NPL: variants seen among roughly 807,000 people sequenced by gnomAD.
NPL encodes N-acetylneuraminate pyruvate lyase.
NPL carries 32 observed loss-of-function variants against 41.1 expected under a neutral mutation model. The ratio of observed to expected loss-of-function variants is 0.78; its 90% CI spans 0.59 to 1.05. The LOEUF (loss-of-function observed/expected upper bound fraction) is 1.05, where lower values mean the gene tolerates loss of function less well. Among genes scored for constraint, NPL ranks in the 50% least tolerant of loss-of-function variants. NPL has a pLI of 0.00. For synonymous variants in NPL, 128 were observed against 134.9 expected (o/e 0.95, Z 0.35); for missense variants, 321 against 378.4 (o/e 0.85, Z 1.26).
intron 3 of NPL, among the ~76,000 whole-genome samples, chr1:182,799,075 G>C (rs899688756): frequency 6.6e-6 from 1 of 152,142 alleles, no homozygotes; most frequent in African/African-American, 2.4e-5. Flanking sequence ...ATGGTGGTTC[G>C]TGCACCAGGA....
intron 5 of NPL, chr1:182,809,216 A>G: frequency 2.2e-6 from 1 of 453,156 alleles, no homozygotes; most frequent in South Asian, 1.6e-5. Flanking sequence ...GACCATCCGC[A>G]CAACCCAAAG....
chr1:182,794,947 C>T (rs1307414934), intron 3 of NPL, among the ~76,000 whole-genome samples: 1 of 152,092 alleles, frequency 6.6e-6, no homozygotes, highest in East Asian at 1.9e-4. Context: ...ACTCTTTTTT[C>T]CTGTTTACAG....
Position 182,818,698 on chromosome 1 carries a change from C to T in NPL, c.606+9C>T. 1.2e-6 allele frequency: 2 copies of T among 1,614,076 alleles called. No homozygotes were observed. Among genetic ancestry groups the T allele is most frequent in the Non-Finnish European group, 1.7e-6 (2 of 1,180,000 alleles). ...TTTTTGGGGTGGATGAGGTAAGTCA[C>T]CCCCTAGCATGTTGCAGCAGGTCAG... On this transcript the variant is annotated intron_variant, in intron 9 of 12. Transcript: ENST00000367553.
chr1:182,800,295 G>T (rs1017964246), intron 3 of NPL, among the ~76,000 whole-genome samples: 7 of 151,930 alleles, frequency 4.6e-5, no homozygotes, highest in African/African-American at 1.7e-4. Context: ...AATTAGCTGG[G>T]CGTTGTGGCA....
At chr1:182,800,725 CT>C (rs56908108) in intron 3 of NPL, among the ~76,000 whole-genome samples, 8,565 of 101,674 alleles carry the variant, frequency 0.084, 182 homozygotes, top group African/African-American at 0.21. Flanking sequence ...GTAGCCCTGG[CT>C]TTTTTTTTTT....
At chr1:182,789,838 C>T (rs1392729326) in intron 1 of NPL, 33 bp downstream of exon 1, 1 of 152,356 alleles carries the variant, frequency 6.6e-6, no homozygotes, top group African/African-American at 2.4e-5. Context: ...CGGGCTAGGA[C>T]AGACGGACGC....
At chr1:182,805,747 A>G (rs1295040181) in intron 4 of NPL, among the ~76,000 whole-genome samples, 1 of 152,194 alleles carries the variant, frequency 6.6e-6, no homozygotes, top group Non-Finnish European at 1.5e-5. Context: ...GATCTGTAGT[A>G]TACAAAAGCA....
intron 8 of NPL, among the ~76,000 whole-genome samples, chr1:182,817,786 G>A (rs1373690704): frequency 6.6e-6 from 1 of 152,246 alleles, no homozygotes; most frequent in Non-Finnish European, 1.5e-5. Context: ...GATGCATAGG[G>A]TAAGATATGT....
intron 12 of NPL, chr1:182,826,605 T>G (rs1339965019): frequency 6.6e-6 from 1 of 152,234 alleles, no homozygotes; most frequent in Non-Finnish European, 1.5e-5. Flanking sequence ...ACGTTTCTGT[T>G]TGTTTTTCCA....
intron 5 of NPL, among the ~76,000 whole-genome samples, chr1:182,810,375 C>G (rs998740675): frequency 6.6e-6 from 1 of 152,160 alleles, no homozygotes; most frequent in African/African-American, 2.4e-5. Flanking sequence ...ATAGTGAATT[C>G]ACTTCTCACA....
chr1:182,809,354 C>T (rs919109820), intron 5 of NPL: 24 of 296,980 alleles, frequency 8.1e-5, no homozygotes, highest in African/African-American at 5.4e-4. Flanking sequence ...ACCTGGCCAA[C>T]CTGACAAAAC....
Position 182,814,911 on chromosome 1 carries a change from C to T in NPL, c.364+53C>T, listed in dbSNP as rs1667280939. The T allele has an allele frequency of 3.6e-6, 5 of 1,394,814 alleles. No individual in the cohort carries two copies. The African/African-American group carries it at 5.7e-5, about 16-fold the overall frequency. 86.4% of individuals were successfully genotyped at this position (1,394,814 alleles called of 1,614,324 possible). ...ATCTCACATGGTCCACTTCTTCTTG[C>T]CTCCATTCAAAATGGTTATATTTAA... On this transcript the variant is annotated intron_variant, in intron 7 of 12. Coordinates refer to ENST00000367553, the MANE Select transcript of NPL (RefSeq NM_030769.3).
intron 4 of NPL, among the ~76,000 whole-genome samples, chr1:182,805,788 T>A (rs1165355242): frequency 6.6e-6 from 1 of 152,214 alleles, no homozygotes; most frequent in Non-Finnish European, 1.5e-5. Flanking sequence ...TTATTTGACA[T>A]CCTGGTACTA....
chr1:182,829,176 GA>G lies in NPL; in HGVS notation c.*272del. ...TATATGGATGAAATGGAATCAAGAG[GA>G]AAATTGTAATTGATTAATTCCATCT... On this transcript the variant is annotated 3_prime_UTR_variant, in exon 13 of 13. Coordinates refer to ENST00000367553, the MANE Select transcript of NPL (RefSeq NM_030769.3). The G allele has an allele frequency of 7.6e-7, 1 of 1,311,698 alleles. No individual in the cohort carries two copies. 81.3% of individuals were successfully genotyped at this position (1,311,698 alleles called of 1,614,324 possible).
intron 3 of NPL, among the ~76,000 whole-genome samples, chr1:182,796,833 G>A (rs183483355): frequency 2.0e-5 from 3 of 152,118 alleles, no homozygotes; most frequent in Non-Finnish European, 4.4e-5. Flanking sequence ...TCAAGAGATC[G>A]AGACCATCCT....
chr1:182,825,910 C>A, intron 12 of NPL, 90 bp downstream of exon 12: 1 of 979,346 alleles, frequency 1.0e-6, no homozygotes, highest in Non-Finnish European at 1.6e-6. Context: ...TCAACAAGAA[C>A]ACTTTTTAAT....
At chr1:182,812,079 A>G (rs1571443754) in intron 5 of NPL, 77 bp from the exon 6 acceptor site, 13 of 1,420,464 alleles carry the variant, frequency 9.2e-6, no homozygotes, top group Non-Finnish European at 1.2e-5. Flanking sequence ...TGCTAAAATC[A>G]GCACAAACCA....
At chr1:182,805,556 T>C (rs925411234) in intron 4 of NPL, among the ~76,000 whole-genome samples, 1 of 152,256 alleles carries the variant, frequency 6.6e-6, no homozygotes, top group African/African-American at 2.4e-5. Flanking sequence ...TATCTTTTTA[T>C]CTGTAAATGA....
At chr1:182,797,316 A>G (rs1200671605) in intron 3 of NPL, among the ~76,000 whole-genome samples, 3 of 152,140 alleles carry the variant, frequency 2.0e-5, no homozygotes, top group Non-Finnish European at 4.4e-5. Context: ...CATATGGCCC[A>G]TGGACCAGTT....
Sources: allele counts gnomAD v4.1 joint callset (sites outside exome capture counted in the v4.1 genomes callset), GRCh38; gene constraint gnomAD v4.1.1; transcripts MANE v1.5; gene names NCBI Gene and HGNC (gene_info 2026-07-23, HGNC 2026-07-21).